Variants in ZMAT4 observed in about 807,000 individuals in gnomAD.
The protein encoded by ZMAT4 is zinc finger matrin-type protein 4.
ZMAT4 carries 17 observed loss-of-function variants against 28.7 expected under a neutral mutation model. That is an observed-to-expected ratio of 0.59 (90% CI 0.41 to 0.89). The LOEUF is 0.89. Ranked by LOEUF, ZMAT4 falls within the 40% of genes least tolerant of loss-of-function variation. ZMAT4 has a pLI of 0.00. For synonymous variants in ZMAT4, 117 were observed against 109.2 expected (o/e 1.07, Z -0.44); for missense variants, 240 against 283.8 (o/e 0.85, Z 1.11).
intron 6 of ZMAT4, among the ~76,000 whole-genome samples, chr8:40,571,871 T>G (rs1297970898): frequency 6.6e-6 from 1 of 152,180 alleles, no homozygotes; most frequent in Non-Finnish European, 1.5e-5. Context: ...ACATATTTTG[T>G]ATTTTTCAGA....
At chr8:40,786,465 A>ATTCC (rs879846304) in intron 2 of ZMAT4, among the ~76,000 whole-genome samples, 5 of 152,092 alleles carry the variant, frequency 3.3e-5, no homozygotes, top group Admixed American at 1.3e-4. Context: ...TCATTCATTC[A>ATTCC]TTCATTCTTC....
intron 5 of ZMAT4, among the ~76,000 whole-genome samples, chr8:40,616,745 G>A (rs1002952314): frequency 1.3e-5 from 2 of 152,190 alleles, no homozygotes; most frequent in African/African-American, 4.8e-5. Context: ...GTGGGTTGGG[G>A]GGAGGGAGGA....
chr8:40,681,571 C>G (rs1338549516), intron 4 of ZMAT4, among the ~76,000 whole-genome samples: 1 of 152,180 alleles, frequency 6.6e-6, no homozygotes, highest in African/African-American at 2.4e-5. Context: ...AAGCACCTCA[C>G]CTCCGTGCCC....
intron 6 of ZMAT4, among the ~76,000 whole-genome samples, chr8:40,570,951 G>A (rs779016564): frequency 1.3e-5 from 2 of 152,116 alleles, no homozygotes; most frequent in Non-Finnish European, 2.9e-5. Flanking sequence ...GATTGGTACT[G>A]GAGGACTAAT....
intron 5 of ZMAT4, among the ~76,000 whole-genome samples, chr8:40,644,638 A>C (rs1044652437): frequency 6.6e-6 from 1 of 152,190 alleles, no homozygotes; most frequent in Non-Finnish European, 1.5e-5. Flanking sequence ...ATTTATGTAG[A>C]TACTCCACCC....
chr8:40,644,248 C>A (rs1563382949), intron 5 of ZMAT4, among the ~76,000 whole-genome samples: 1 of 152,078 alleles, frequency 6.6e-6, no homozygotes, highest in Admixed American at 6.6e-5. Flanking sequence ...AGCAACCTAG[C>A]ACCCAAATGT....
At chr8:40,666,299 C>G (rs1311498759) in intron 5 of ZMAT4, among the ~76,000 whole-genome samples, 1 of 151,882 alleles carries the variant, frequency 6.6e-6, no homozygotes, top group African/African-American at 2.4e-5. Flanking sequence ...AGACTTTTTT[C>G]TTATTAATTT....
At chr8:40,580,307 C>T (rs1019949357) in intron 6 of ZMAT4, among the ~76,000 whole-genome samples, 3 of 152,042 alleles carry the variant, frequency 2.0e-5, no homozygotes, top group Non-Finnish European at 4.4e-5. Context: ...CCACCGCACC[C>T]GGCCTATTCA....
intron 3 of ZMAT4, among the ~76,000 whole-genome samples, chr8:40,735,491 A>G (rs953553715): frequency 1.3e-5 from 2 of 152,202 alleles, no homozygotes; most frequent in African/African-American, 2.4e-5. Flanking sequence ...AGAATAGTCC[A>G]TTTTCAGACA....
rs1299411782 is a variant in ZMAT4 at position 40,875,979 on chromosome 8, C to T, written c.-5+21704G>A. Among the ~76,000 whole-genome samples the T allele has an allele frequency of 5.7e-4, 87 of 152,100 alleles. 1 individual carries two copies. Among genetic ancestry groups the T allele is most frequent in the Non-Finnish European group, 7.3e-5 (5 of 68,032 alleles). The stretch of plus-strand genomic sequence containing the variant: ...TATTAACCCACTAGACCAAGGGTGG[C>T]GACAGGCTGTTCTCCACCAGCACCA... On this transcript the variant is annotated intron_variant, in intron 1 of 6. Coordinates refer to ENST00000297737, the MANE Select transcript of ZMAT4 (RefSeq NM_024645.3).
intron 6 of ZMAT4, among the ~76,000 whole-genome samples, chr8:40,547,245 C>T (rs186446443): frequency 9.7e-4 from 148 of 152,308 alleles, no homozygotes; most frequent in Non-Finnish European, 8.5e-4. Flanking sequence ...TCATGAACGG[C>T]TGCTGGGGTT....
intron 5 of ZMAT4, among the ~76,000 whole-genome samples, chr8:40,639,898 A>T (rs1395046832): frequency 6.6e-6 from 1 of 152,176 alleles, no homozygotes; most frequent in African/African-American, 2.4e-5. Context: ...GGGTAAAAAA[A>T]CTAACCCAAA....
chr8:40,694,991 G>C (rs1213282158), intron 4 of ZMAT4, among the ~76,000 whole-genome samples: 1 of 152,184 alleles, frequency 6.6e-6, no homozygotes, highest in East Asian at 1.9e-4. Context: ...TGCTCAGAGA[G>C]GCCAAGAAGA....
intron 6 of ZMAT4, among the ~76,000 whole-genome samples, chr8:40,532,726 A>C (rs1802729475): frequency 6.6e-6 from 1 of 152,134 alleles, no homozygotes. Context: ...GGCCAGGTGC[A>C]GTGGCTCATG....
rs1243558251 is a variant in ZMAT4, at chr8:40,779,090, C to A, written c.103-11360G>T. Among the ~76,000 whole-genome samples the A allele has an allele frequency of 2.0e-5, 3 of 151,986 alleles. No homozygotes were observed. The East Asian group carries it at 5.8e-4, about 29-fold the overall frequency. ...CCCATAATTCATGTTGTGGGAGGGA[C>A]CTGGTGGGAGATAATTGAATCATGG... On this transcript the variant is annotated intron_variant, in intron 2 of 6. Transcript: ENST00000297737.
intron 1 of ZMAT4, among the ~76,000 whole-genome samples, chr8:40,866,966 T>C (rs114631786): frequency 0.012 from 1,806 of 152,340 alleles, 41 homozygotes; most frequent in African/African-American, 0.041. Context: ...CTGCAAGAGC[T>C]AGACTGGTAT....
intron 5 of ZMAT4, among the ~76,000 whole-genome samples, chr8:40,649,932 A>G (rs949565791): frequency 6.6e-5 from 10 of 152,060 alleles, no homozygotes; most frequent in African/African-American, 2.4e-4. Flanking sequence ...AGCAGTGTGT[A>G]GAGGGAAATT....
chr8:40,668,486 AGAAAAG>A (rs1585849652), intron 5 of ZMAT4, among the ~76,000 whole-genome samples: 1 of 138,506 alleles, frequency 7.2e-6, no homozygotes, highest in Non-Finnish European at 1.6e-5. Context: ...AAAAAAAAAA[AGAAAAG>A]AAAAAAGAAA....
rs1004823529 is a variant in ZMAT4 at position 40,855,962 on chromosome 8, A to G, written c.-4-30282T>C. Among the ~76,000 whole-genome samples, 5 of 151,916 alleles carry G rather than the reference A, an allele frequency of 3.3e-5. No individual in the cohort carries two copies. The South Asian group carries it at 8.3e-4, about 25-fold the overall frequency. ...CACCTCGACCTCCCAAAGTGCTGGG[A>G]TTACCGGCATGAGCAACTACACCCA... On this transcript the variant is annotated intron_variant, in intron 1 of 6. Coordinates refer to ENST00000297737, the MANE Select transcript of ZMAT4 (RefSeq NM_024645.3).
Sources: gnomAD v4.1 joint callset for allele counts (sites outside exome capture counted in the v4.1 genomes callset) on GRCh38, gnomAD v4.1.1 for gene constraint, MANE v1.5 for transcripts, NCBI Gene and HGNC (gene_info 2026-07-23, HGNC 2026-07-21) for gene names.